The following RBFOX1 variants were observed in gnomAD, a reference collection of about 807,000 sequenced individuals.
The protein encoded by RBFOX1 is RNA binding fox-1 homolog 1.
Under a neutral mutation model 57.7 loss-of-function variants are expected in RBFOX1, and 8 were observed. That is an observed-to-expected ratio of 0.14 (90% confidence interval 0.08 to 0.25). The LOEUF (loss-of-function observed/expected upper bound fraction) is 0.25. RBFOX1 is among the 10% of genes least tolerant of loss of function. The pLI is 1.00. For missense variants in RBFOX1, 611 were observed against 548.5 expected (o/e 1.11, Z -1.14); for synonymous variants, 326 against 222.4 (o/e 1.47, Z -4.15).
At chr16:5,565,133 G>C (rs1477876657) in intron 2 of RBFOX1, among the ~76,000 whole-genome samples, 1 of 152,146 alleles carries the variant, frequency 6.6e-6, no homozygotes, top group Non-Finnish European at 1.5e-5. Flanking sequence ...GCCTCAGTGG[G>C]ATACTAAGTG....
chr16:7,163,118 T>C (rs1000275676), intron 4 of RBFOX1, among the ~76,000 whole-genome samples: 6 of 152,206 alleles, frequency 3.9e-5, no homozygotes, highest in Non-Finnish European at 8.8e-5. Flanking sequence ...AGTTACTGAA[T>C]GCATCTGCAG....
chr16:6,679,279 A>G (rs2058250109), intron 3 of RBFOX1, among the ~76,000 whole-genome samples: 1 of 152,148 alleles, frequency 6.6e-6, no homozygotes, highest in African/African-American at 2.4e-5. Flanking sequence ...GCTTAAAGAA[A>G]AATAATAAGC....
At position 6,669,159 on chromosome 16, in the gene RBFOX1, G is replaced by C. The variant is rs190889651; in HGVS notation, c.-16+14509G>C. On this transcript the variant is annotated intron_variant, in intron 3 of 15. Transcript: ENST00000550418. The stretch of plus-strand genomic sequence containing the variant: ...TGTTGATCAAGGTCAGAAAACCCAG[G>C]GATTATGCCATCCATCTCAGCAAGT... 5.3e-5 allele frequency among the ~76,000 whole-genome samples: 8 copies of C among 152,064 alleles called. No homozygotes were observed. The East Asian group carries it at 1.6e-3, about 29-fold the overall frequency.
chr16:6,924,630 A>T (rs915508149), intron 3 of RBFOX1, among the ~76,000 whole-genome samples: 8 of 151,206 alleles, frequency 5.3e-5, no homozygotes, highest in Admixed American at 1.3e-4. Context: ...GCAAGTACCT[A>T]CCTCTTGTCC....
chr16:5,876,556 C>G (rs1208683014), intron 4 of RBFOX1, among the ~76,000 whole-genome samples: 3 of 152,170 alleles, frequency 2.0e-5, no homozygotes, highest in Non-Finnish European at 4.4e-5. Flanking sequence ...TAAATTATCT[C>G]ATCTTCCAAG....
intron 4 of RBFOX1, among the ~76,000 whole-genome samples, chr16:7,288,771 A>G (rs964364454): frequency 1.3e-5 from 2 of 152,162 alleles, no homozygotes; most frequent in Non-Finnish European, 2.9e-5. Context: ...AACCCAGGGG[A>G]TGGAGGTTAC....
chr16:6,398,130 CA>C (rs1444578424), intron 2 of RBFOX1, among the ~76,000 whole-genome samples: 1 of 152,080 alleles, frequency 6.6e-6, no homozygotes, highest in African/African-American at 2.4e-5. Context: ...AAGAAAGGAG[CA>C]AAGCCCCTTA....
intron 3 of RBFOX1, among the ~76,000 whole-genome samples, chr16:6,962,844 G>A (rs977802003): frequency 2.0e-5 from 3 of 151,716 alleles, no homozygotes; most frequent in Admixed American, 2.0e-4. Flanking sequence ...CAGCCTGGGC[G>A]GCAGAATGAG....
intron 3 of RBFOX1, among the ~76,000 whole-genome samples, chr16:6,994,273 C>A (rs753898172): frequency 3.3e-5 from 5 of 152,114 alleles, no homozygotes; most frequent in Non-Finnish European, 7.3e-5. Context: ...TGGAATTCTG[C>A]CTTCCGACTT....
At chr16:7,140,719 A>G (rs1312243835) in intron 4 of RBFOX1, among the ~76,000 whole-genome samples, 1 of 152,164 alleles carries the variant, frequency 6.6e-6, no homozygotes, top group African/African-American at 2.4e-5. Context: ...AATTATTGGA[A>G]CTGGGAGTGA....
intron 1 of RBFOX1, among the ~76,000 whole-genome samples, chr16:5,264,613 A>G (rs1237211625): frequency 6.6e-6 from 1 of 152,170 alleles, no homozygotes; most frequent in Non-Finnish European, 1.5e-5. Context: ...CTCTTTTATG[A>G]AATGCCATGG....
intron 4 of RBFOX1, among the ~76,000 whole-genome samples, chr16:5,876,560 T>C (rs1234876064): frequency 6.6e-6 from 1 of 152,204 alleles, no homozygotes; most frequent in Non-Finnish European, 1.5e-5. Context: ...TTATCTCATC[T>C]TCCAAGGCTT....
intron 3 of RBFOX1, among the ~76,000 whole-genome samples, chr16:7,032,031 C>A (rs1391977458): frequency 6.6e-6 from 1 of 152,150 alleles, no homozygotes; most frequent in Non-Finnish European, 1.5e-5. Flanking sequence ...GAAAGAAAGT[C>A]GATTCTCCTT....
At chr16:7,384,626 G>C (rs1568543482) in intron 4 of RBFOX1, among the ~76,000 whole-genome samples, 1 of 152,162 alleles carries the variant, frequency 6.6e-6, no homozygotes, top group African/African-American at 2.4e-5. Context: ...CAGCTTTGCA[G>C]GCCATGCCAA....
In RBFOX1 at chr16:6,883,794, G is replaced by GT. The variant is rs368836202; in HGVS notation, c.-15-168252dup. Among the ~76,000 whole-genome samples, 891 of 147,758 alleles carry GT rather than the reference G, an allele frequency of 6.0e-3. 6 individuals carry two copies. Among genetic ancestry groups the GT allele is most frequent in the African/African-American group, 0.018 (745 of 40,426 alleles). On this transcript the variant is annotated intron_variant, in intron 3 of 15. Transcript: ENST00000550418. Reference sequence around the variant, plus strand: ...TGAAAATACATGGGTTAGTGAAGAGGTTTTTTTTTTTCTTTTCTCTATTAT... The same window carrying GT: ...TGAAAATACATGGGTTAGTGAAGAGGTTTTTTTTTTTTCTTTTCTCTATTAT...
chr16:6,385,931 T>C (rs549970385), intron 2 of RBFOX1, among the ~76,000 whole-genome samples: 4,296 of 147,782 alleles, frequency 0.029, 217 homozygotes, highest in African/African-American at 0.1. Flanking sequence ...CATTTCTTTT[T>C]TTTCTTTCTT....
chr16:6,058,541 ATC>A (rs1431104884), intron 1 of RBFOX1, among the ~76,000 whole-genome samples: 7 of 152,156 alleles, frequency 4.6e-5, no homozygotes, highest in South Asian at 2.1e-4. Flanking sequence ...CGTCTTATAT[ATC>A]TGTTTATTCA....
chr16:6,279,109 A>G (rs968628427), intron 1 of RBFOX1, among the ~76,000 whole-genome samples: 1 of 152,054 alleles, frequency 6.6e-6, no homozygotes, highest in Non-Finnish European at 1.5e-5. Context: ...ACTTATTTCA[A>G]TCTTAGTGGA....
chr16:6,506,548 G>T (rs2096095568), intron 2 of RBFOX1, among the ~76,000 whole-genome samples: 1 of 150,920 alleles, frequency 6.6e-6, no homozygotes, highest in South Asian at 2.1e-4. Flanking sequence ...GACATCTATG[G>T]ACCCACAGTG....
Sources: allele counts gnomAD v4.1 joint callset (sites outside exome capture counted in the v4.1 genomes callset), GRCh38; gene constraint gnomAD v4.1.1; transcripts MANE v1.5; gene names NCBI Gene and HGNC (gene_info 2026-07-23, HGNC 2026-07-21).